The following FLNB variants were observed in gnomAD, a reference collection of about 807,000 sequenced individuals.
FLNB encodes filamin-B.
A neutral mutation model predicts 250.6 loss-of-function variants in FLNB; 111 were observed. That is an observed-to-expected ratio of 0.44 (90% CI 0.38 to 0.52). The LOEUF is 0.52. Among genes scored for constraint, FLNB ranks in the 20% least tolerant of loss-of-function variants. The pLI is 0.00. For synonymous variants in FLNB, 1,302 were observed against 1,372.1 expected, an observed-to-expected ratio of 0.95 and a Z score of 1.13; for missense variants, 2,869 against 3,447.8, an observed-to-expected ratio of 0.83 and a Z score of 4.20.
At chr3:58,162,948 A>C (rs1467762299) in intron 42 of FLNB, 5 of 612,344 alleles carry the variant, frequency 8.2e-6, no homozygotes, top group African/African-American at 7.3e-5. Context: ...TAGGATTTGC[A>C]ATGTGGATGC....
intron 8 of FLNB, among the ~76,000 whole-genome samples, chr3:58,100,981 C>T (rs949982564): frequency 2.0e-5 from 3 of 151,894 alleles, no homozygotes; most frequent in Admixed American, 6.6e-5. Flanking sequence ...GCAATCTCCC[C>T]GCCTCAGCCT....
intron 8 of FLNB, among the ~76,000 whole-genome samples, chr3:58,100,576 TC>T (rs2097249059): frequency 7.2e-6 from 1 of 139,594 alleles, no homozygotes; most frequent in Non-Finnish European, 1.5e-5. Flanking sequence ...CCTTTTTTTT[TC>T]TTTTTCTTTT....
Position 58,145,948 on chromosome 3 carries a change from AC to A in FLNB, c.5457del (p.Asn1820ThrfsTer59). ...AGCCCACTCCAGTTCTACGTGAACTACCCCAACAGTGGAAGTGTTTCTGCAT... is the reference window on the plus strand; with the variant it reads ...AGCCCACTCCAGTTCTACGTGAACTACCCAACAGTGGAAGTGTTTCTGCAT... ...PESPLQFYVN[Y>X]PNSGSVSAYG... On this transcript the variant is annotated frameshift_variant, in exon 33 of 46. Coordinates refer to ENST00000295956, the MANE Select transcript of FLNB (RefSeq NM_001457.4). LOFTEE classifies it high-confidence loss of function. The A allele has an allele frequency of 6.2e-7, 1 of 1,614,166 alleles. No homozygotes were observed. Among genetic ancestry groups the A allele is most frequent in the Non-Finnish European group, 8.5e-7 (1 of 1,180,026 alleles).
intron 1 of FLNB, among the ~76,000 whole-genome samples, chr3:58,052,809 G>A (rs909913559): frequency 6.6e-6 from 1 of 152,172 alleles, no homozygotes; most frequent in Non-Finnish European, 1.5e-5. Context: ...GCACAGCTTT[G>A]TGTAAAGGGC....
At chr3:58,067,596 T>A in intron 1 of FLNB, among the ~76,000 whole-genome samples, 1 of 111,338 alleles carries the variant, frequency 9.0e-6, no homozygotes, top group African/African-American at 4.0e-5. Context: ...TTTTTTTGTT[T>A]TTTTTTTGTT....
chr3:58,109,041 A>G (rs1272774626), intron 13 of FLNB, 138 bp from the exon 14 acceptor site: 8 of 925,674 alleles, frequency 8.6e-6, no homozygotes, highest in African/African-American at 4.9e-5. Context: ...TTGTGAAAAT[A>G]TGGCACATTG....
At chr3:58,080,016 G>T (rs1327179039) in intron 3 of FLNB, among the ~76,000 whole-genome samples, 1 of 152,172 alleles carries the variant, frequency 6.6e-6, no homozygotes, top group East Asian at 1.9e-4. Context: ...GGTGTGGTGT[G>T]TTTTTCATCT....
intron 32 of FLNB, among the ~76,000 whole-genome samples, chr3:58,144,928 T>C (rs532487434): frequency 2.6e-5 from 4 of 152,358 alleles, no homozygotes; most frequent in Non-Finnish European, 5.9e-5. Context: ...ATCCACGGCC[T>C]GTTTTTCTAT....
chr3:58,065,691 G>T (rs1220785438), intron 1 of FLNB, among the ~76,000 whole-genome samples: 1 of 152,198 alleles, frequency 6.6e-6, no homozygotes, highest in African/African-American at 2.4e-5. Flanking sequence ...TCCCTGGCAT[G>T]GTTCCTCCTG....
chr3:58,075,244 C>T (rs1000761413), intron 1 of FLNB, among the ~76,000 whole-genome samples: 3 of 152,002 alleles, frequency 2.0e-5, no homozygotes, highest in Admixed American at 1.3e-4. Context: ...ATGCAGATAG[C>T]TCAGTCACTC....
chr3:58,137,842 T>A (rs759032412), intron 28 of FLNB, among the ~76,000 whole-genome samples: 1 of 152,200 alleles, frequency 6.6e-6, no homozygotes, highest in Admixed American at 6.5e-5. Context: ...GAACAGTTTG[T>A]TATTTTTTCT....
At chr3:58,134,907 C>A in intron 27 of FLNB, 135 bp downstream of exon 27, 1 of 824,788 alleles carries the variant, frequency 1.2e-6, no homozygotes, top group Non-Finnish European at 2.0e-6. Flanking sequence ...ACCAAAGAGT[C>A]AGTAAATGTG....
At chr3:58,093,772 A>G (rs771383138) in intron 4 of FLNB, among the ~76,000 whole-genome samples, 4 of 152,194 alleles carry the variant, frequency 2.6e-5, no homozygotes, top group Admixed American at 6.5e-5. Flanking sequence ...ACCATGGAAT[A>G]TTAGCTACTC....
In FLNB at chr3:58,134,785, TA is replaced by T. The variant is rs1187420096; in HGVS notation, c.4671+14del. 6.2e-7 allele frequency: 1 copy of T among 1,613,240 alleles called. No individual in the cohort carries two copies. The highest frequency in any genetic ancestry group is 2.2e-5 in the East Asian group (1 of 44,876). ...TGTTCAAATAACGGTAACTTGGAGT[TA>T]TTTTCTGAGCCAAACCTTAATCCTA... On this transcript the variant is annotated intron_variant, in intron 27 of 45. Coordinates refer to ENST00000295956, the MANE Select transcript of FLNB (RefSeq NM_001457.4).
intron 17 of FLNB, 126 bp downstream of exon 17, chr3:58,112,007 G>T: frequency 8.6e-7 from 1 of 1,169,470 alleles, no homozygotes; most frequent in Non-Finnish European, 1.3e-6. Context: ...GGTTTTCTGT[G>T]CAGCTCTGAT....
At chr3:58,119,662 A>G (rs576411103) in intron 19 of FLNB, among the ~76,000 whole-genome samples, 2 of 152,356 alleles carry the variant, frequency 1.3e-5, no homozygotes, top group South Asian at 4.1e-4. Context: ...TGCTCATAAA[A>G]TGATTTTTTT....
intron 1 of FLNB, among the ~76,000 whole-genome samples, chr3:58,042,270 A>G (rs764067918): frequency 6.0e-5 from 9 of 150,412 alleles, no homozygotes; most frequent in Non-Finnish European, 1.3e-4. Flanking sequence ...GATTTGCATT[A>G]GCTCTGTTTG....
At chr3:58,143,389 T>C in intron 31 of FLNB, 84 bp from the exon 32 acceptor site, 2 of 1,483,408 alleles carry the variant, frequency 1.3e-6, no homozygotes, top group East Asian at 4.6e-5. Context: ...AACCTTTATT[T>C]TGAATACATC....
chr3:58,013,259 C>T (rs9828717), intron 1 of FLNB, among the ~76,000 whole-genome samples: 50,146 of 152,020 alleles, frequency 0.33, 9,124 homozygotes, highest in East Asian at 0.5. Flanking sequence ...GGAATTGTTT[C>T]CTTTTCAGAG....
Sources: allele counts gnomAD v4.1 joint callset (sites outside exome capture counted in the v4.1 genomes callset), GRCh38; gene constraint gnomAD v4.1.1; transcripts MANE v1.5; gene names NCBI Gene and HGNC (gene_info 2026-07-23, HGNC 2026-07-21).